The following PSMF1 variants were observed in gnomAD, a reference collection of about 807,000 sequenced individuals.
The protein encoded by PSMF1 is proteasome inhibitor PI31 subunit.
A neutral mutation model predicts 29.3 loss-of-function variants in PSMF1; 30 were observed. The ratio of observed to expected loss-of-function variants is 1.02; its 90% CI spans 0.77 to 1.39. The LOEUF (loss-of-function observed/expected upper bound fraction) is 1.39. Among genes scored for constraint, PSMF1 ranks in the 40% most tolerant of loss-of-function variants. The pLI, the probability that PSMF1 is intolerant of heterozygous loss-of-function variation, is 0.00. For synonymous variants in PSMF1, 134 were observed against 139.7 expected (o/e 0.96, Z 0.29); for missense variants, 344 against 357.5 (o/e 0.96, Z 0.31).
intron 4 of PSMF1, among the ~76,000 whole-genome samples, chr20:1,140,355 C>T (rs190427275): frequency 1.3e-5 from 2 of 152,234 alleles, no homozygotes; most frequent in East Asian, 3.9e-4. Flanking sequence ...GTAGAGAAAC[C>T]ATAGTCTTTT....
At chr20:1,132,475 C>T (rs2086242901) in intron 3 of PSMF1, among the ~76,000 whole-genome samples, 1 of 152,000 alleles carries the variant, frequency 6.6e-6, no homozygotes, top group South Asian at 2.1e-4. Flanking sequence ...CGGGGTTTTA[C>T]CATGTTAGCC....
intron 4 of PSMF1, chr20:1,161,449 T>C: frequency 2.1e-6 from 1 of 467,020 alleles, no homozygotes. Context: ...CACAAGGACC[T>C]GTATGCCAAC....
At position 1,164,212 on chromosome 20, in the gene PSMF1, C is replaced by G. The variant is rs551445576; in HGVS notation, c.606-106C>G. 1 of 1,209,428 alleles carries G rather than the reference C, an allele frequency of 8.3e-7. No homozygotes were observed. 74.9% of individuals were successfully genotyped at this position (1,209,428 alleles called of 1,614,324 possible). On this transcript the variant is annotated intron_variant, in intron 5 of 6. Coordinates refer to ENST00000335877, the MANE Select transcript of PSMF1 (RefSeq NM_006814.5). This position sits in a 1 kb window ranked among gnomAD's most constrained non-coding sequence, Gnocchi z 4.1. ...CATCCACATGTCTGCTTGGGCCATC[C>G]AGAGTAGACATCCCAGCCATTCTTG...
intron 4 of PSMF1, among the ~76,000 whole-genome samples, chr20:1,142,282 T>C (rs2086391746): frequency 6.6e-6 from 1 of 152,184 alleles, no homozygotes; most frequent in African/African-American, 2.4e-5. Context: ...TTTTTTTTAT[T>C]GTTATACTTC....
chr20:1,156,742 G>A (rs1424651161), intron 4 of PSMF1, among the ~76,000 whole-genome samples: 1 of 152,118 alleles, frequency 6.6e-6, no homozygotes, highest in African/African-American at 2.4e-5. Flanking sequence ...ATAGTCAATA[G>A]ATCTTCTCAA....
intron 4 of PSMF1, among the ~76,000 whole-genome samples, chr20:1,150,414 CT>C (rs1408185873): frequency 6.6e-6 from 1 of 152,040 alleles, no homozygotes; most frequent in African/African-American, 2.4e-5. Context: ...CCCACTGTTG[CT>C]TTTGCACCGT....
At position 1,166,561 on chromosome 20, in the gene PSMF1, T is replaced by A; in HGVS notation, c.*1481T>A. 2.7e-6 allele frequency: 1 copy of A among 374,518 alleles called. No individual in the cohort carries two copies. Among genetic ancestry groups the A allele is most frequent in the Middle Eastern group, 7.9e-4 (1 of 1,262 alleles). 23.2% of individuals were successfully genotyped at this position (374,518 alleles called of 1,614,324 possible). A position where few individuals can be genotyped will look rare whatever the true frequency, so the allele number is the denominator to read the frequency against. On this transcript the variant is annotated 3_prime_UTR_variant, in exon 7 of 7. Transcript: ENST00000335877. ...GCCTAGGCCCAGGGTCAGTCTCAGA[T>A]GGAAGCTGGGCCTGGGTGGGGAGGC...
chr20:1,134,956 C>A lies in PSMF1; in HGVS notation c.366-165C>A, dbSNP rs758776771. On this transcript the variant is annotated intron_variant, in intron 3 of 6. Coordinates refer to ENST00000335877, the MANE Select transcript of PSMF1 (RefSeq NM_006814.5). ...AGAGACAGCGTGGGGCTGTTGCCCC[C>A]CTCACCCAGGTCCAGCAGGCGGCCT... 24 of 731,140 alleles carry A rather than the reference C, an allele frequency of 3.3e-5. No individual in the cohort carries two copies. The Middle Eastern group carries it at 1.4e-3, about 41-fold the overall frequency. The allele number at this position is 731,140 out of a possible 1,614,324, so 45.3% of individuals were successfully genotyped here. A position where few individuals can be genotyped will look rare whatever the true frequency, so the allele number is the denominator to read the frequency against.
intron 4 of PSMF1, among the ~76,000 whole-genome samples, chr20:1,137,896 T>C (rs1404164961): frequency 6.6e-6 from 1 of 152,190 alleles, no homozygotes; most frequent in Non-Finnish European, 1.5e-5. Context: ...GGATTTACTT[T>C]AAAATAATTT....
chr20:1,145,167 T>G (rs1333121238), intron 4 of PSMF1, among the ~76,000 whole-genome samples: 1 of 152,238 alleles, frequency 6.6e-6, no homozygotes, highest in Non-Finnish European at 1.5e-5. Flanking sequence ...ATCATAGGCA[T>G]AAGCCCCTGT....
intron 1 of PSMF1, among the ~76,000 whole-genome samples, chr20:1,121,571 G>A (rs538732167): frequency 6.6e-6 from 1 of 152,246 alleles, no homozygotes; most frequent in South Asian, 2.1e-4. Context: ...ACTCAATTGT[G>A]TTTTCCAAGC....
In PSMF1 at chr20:1,125,667, C is replaced by T. The variant is rs199519837; in HGVS notation, c.282+17C>T. ...AATGTGCTGGTGAGTCTCTGGGACACGTGAGTCTGCTGATGAGATGGGGAT... is the reference window on the plus strand; with the variant it reads ...AATGTGCTGGTGAGTCTCTGGGACATGTGAGTCTGCTGATGAGATGGGGAT... On this transcript the variant is annotated intron_variant, in intron 2 of 6. Coordinates refer to ENST00000335877, the MANE Select transcript of PSMF1 (RefSeq NM_006814.5). 2.6e-4 allele frequency: 415 copies of T among 1,602,892 alleles called. No individual in the cohort carries two copies. The highest frequency in any genetic ancestry group is 3.2e-4 in the Non-Finnish European group (381 of 1,175,016).
Position 1,171,680 on chromosome 20 carries a change from G to A in PSMF1, c.*6600G>A, listed in dbSNP as rs894766387. ...ATACAGGTTCAGCACCCTGGTCAGC[G>A]CCCAGCCTCCCTAAAGCCGCTGGAG... On this transcript the variant is annotated 3_prime_UTR_variant, in exon 7 of 7. Transcript: ENST00000335877. Among the ~76,000 whole-genome samples the A allele has an allele frequency of 4.6e-5, 7 of 152,130 alleles. No homozygotes were observed. The highest frequency in any genetic ancestry group is 2.1e-4 in the South Asian group (1 of 4,820).
chr20:1,136,723 A>G (rs1728546684), intron 4 of PSMF1, among the ~76,000 whole-genome samples: 1 of 152,246 alleles, frequency 6.6e-6, no homozygotes, highest in Non-Finnish European at 1.5e-5. Flanking sequence ...TTCAACAGTG[A>G]CAAAGGCTGT....
At chr20:1,155,220 C>T (rs2086579005) in intron 4 of PSMF1, among the ~76,000 whole-genome samples, 1 of 152,184 alleles carries the variant, frequency 6.6e-6, no homozygotes, top group South Asian at 2.1e-4. Flanking sequence ...AAGGCCTGCA[C>T]TTCTGGCTAA....
intron 4 of PSMF1, among the ~76,000 whole-genome samples, chr20:1,149,615 C>CT (rs1441630382): frequency 6.6e-6 from 1 of 152,188 alleles, no homozygotes; most frequent in African/African-American, 2.4e-5. Flanking sequence ...GTTTGTCATT[C>CT]TTTCAAGTAA....
At chr20:1,154,892 A>C (rs1026882892) in intron 4 of PSMF1, among the ~76,000 whole-genome samples, 12 of 152,234 alleles carry the variant, frequency 7.9e-5, no homozygotes, top group African/African-American at 2.7e-4. Flanking sequence ...CCCAGTGATC[A>C]GCCACAGGTA....
At chr20:1,155,979 A>G (rs2086590014) in intron 4 of PSMF1, among the ~76,000 whole-genome samples, 1 of 152,220 alleles carries the variant, frequency 6.6e-6, no homozygotes, top group Non-Finnish European at 1.5e-5. Context: ...ATTATTTGAC[A>G]GGCTTTAAAG....
At position 1,164,556 on chromosome 20, in the gene PSMF1, C is replaced by G; in HGVS notation, c.764+80C>G. On this transcript the variant is annotated intron_variant, in intron 6 of 6. Coordinates refer to ENST00000335877, the MANE Select transcript of PSMF1 (RefSeq NM_006814.5). This position sits in a 1 kb window ranked among gnomAD's most constrained non-coding sequence, Gnocchi z 4.1. ...GTGTGGCAGCAATGAAGGTTTCTAGCCCCAGGCACAGAGCTGCCGCTGCCT... is the reference window on the plus strand; with the variant it reads ...GTGTGGCAGCAATGAAGGTTTCTAGGCCCAGGCACAGAGCTGCCGCTGCCT... 1 of 1,555,628 alleles carries G rather than the reference C, an allele frequency of 6.4e-7. No homozygotes were observed. Among genetic ancestry groups the G allele is most frequent in the Non-Finnish European group, 8.8e-7 (1 of 1,136,404 alleles).
Sources: allele counts gnomAD v4.1 joint callset (sites outside exome capture counted in the v4.1 genomes callset), GRCh38; gene constraint gnomAD v4.1.1; non-coding constraint Gnocchi (gnomAD v3.1); transcripts MANE v1.5; gene names NCBI Gene and HGNC (gene_info 2026-07-23, HGNC 2026-07-21).